CKS1B: variants seen among roughly 807,000 people sequenced by gnomAD.
The protein encoded by CKS1B is CDC28 protein kinase regulatory subunit 1B.
CKS1B carries 5 observed loss-of-function variants against 12.2 expected under a neutral mutation model. That is an observed-to-expected ratio of 0.41 (90% CI 0.21 to 0.86). The LOEUF is 0.86. Ranked by LOEUF, CKS1B falls within the 40% of genes least tolerant of loss-of-function variation. CKS1B has a pLI of 0.32. For synonymous variants in CKS1B, 24 were observed against 34.4 expected, an observed-to-expected ratio of 0.70 and a Z score of 1.06; for missense variants, 53 against 99.9, an observed-to-expected ratio of 0.53 and a Z score of 2.00.
chr1:154,978,092 C>G lies in CKS1B; in HGVS notation c.165C>G (p.Val55=). The change falls in exon 2 of 3, where the codon GTC becomes GTG. Residue 55 remains valine, a synonymous_variant. Transcript: ENST00000308987. ...GCGTTCAGCAGAGTCAGGGATGGGT[C>G]CATTATATGATCCATGAACCAGGTC... ...NLGVQQSQGW[V]HYMIHEPEPH... 1 of 1,614,034 alleles carries G rather than the reference C, an allele frequency of 6.2e-7. No individual in the cohort carries two copies. Among genetic ancestry groups the G allele is most frequent in the Non-Finnish European group, 8.5e-7 (1 of 1,179,998 alleles).
At chr1:154,976,293 G>T (rs1657183791) in intron 1 of CKS1B, among the ~76,000 whole-genome samples, 1 of 152,190 alleles carries the variant, frequency 6.6e-6, no homozygotes. Context: ...AATTTTAAGT[G>T]CATAATCTAG....
chr1:154,976,503 T>TGA (rs1334750598), intron 1 of CKS1B, among the ~76,000 whole-genome samples: 2 of 152,238 alleles, frequency 1.3e-5, no homozygotes, highest in African/African-American at 4.8e-5. Flanking sequence ...CGATGTGCAT[T>TGA]GACAAATACA....
intron 1 of CKS1B, 186 bp downstream of exon 1, chr1:154,974,990 GTGGT>G (rs1365666271): frequency 1.2e-5 from 19 of 1,578,250 alleles, no homozygotes; most frequent in Middle Eastern, 2.1e-4. Flanking sequence ...GTAAAACAAA[GTGGT>G]TGCGAATTTG....
chr1:154,978,145 G>T (rs749611811), intron 2 of CKS1B, 31 bp downstream of exon 2: 1 of 1,608,144 alleles, frequency 6.2e-7, no homozygotes, highest in African/African-American at 1.3e-5. Context: ...CAACCATATA[G>T]AACTGCTACA....
chr1:154,974,694 A>G lies in CKS1B; in HGVS notation c.-52A>G. On this transcript the variant is annotated 5_prime_UTR_variant, in exon 1 of 3. Coordinates refer to ENST00000308987, the MANE Select transcript of CKS1B (RefSeq NM_001826.3). ...GTGGGTGGGAGCGCGTGCTGTTGGG[A>G]GTTGCTTGGAGGTTGGCGGCGCGGG... 1.3e-6 allele frequency: 2 copies of G among 1,553,870 alleles called. No individual in the cohort carries two copies. Among genetic ancestry groups the G allele is most frequent in the East Asian group, 2.4e-5 (1 of 41,378 alleles).
rs747841465 is a variant in CKS1B at position 154,974,712 on chromosome 1, G to T, written c.-34G>T. 3.8e-6 allele frequency: 6 copies of T among 1,563,964 alleles called. No homozygotes were observed. Among genetic ancestry groups the T allele is most frequent in the African/African-American group, 1.4e-5 (1 of 73,644 alleles). On this transcript the variant is annotated 5_prime_UTR_variant, in exon 1 of 3. Transcript: ENST00000308987. ...TGTTGGGAGTTGCTTGGAGGTTGGC[G>T]GCGCGGGGCTGAAGGCTAGCAAACC...
At position 154,978,709 on chromosome 1, in the gene CKS1B, T is replaced by C; in HGVS notation, c.188-16T>C. On this transcript the variant is annotated splice_polypyrimidine_tract_variant and intron_variant, in intron 2 of 2. Transcript: ENST00000308987. Reference sequence around the variant, plus strand: ...ATGGTGTGAGCTTGTCTCTTAGATTTCCCTCACTCTTTCAGAACCTCACAT... The same window carrying C: ...ATGGTGTGAGCTTGTCTCTTAGATTCCCCTCACTCTTTCAGAACCTCACAT... 1.9e-6 allele frequency: 3 copies of C among 1,613,170 alleles called. No homozygotes were observed. Among genetic ancestry groups the C allele is most frequent in the Non-Finnish European group, 2.5e-6 (3 of 1,179,184 alleles).
At chr1:154,978,301 A>T in intron 2 of CKS1B, 187 bp downstream of exon 2, 1 of 620,656 alleles carries the variant, frequency 1.6e-6, no homozygotes. Context: ...GGAAGTTCAG[A>T]GACAACCTGT....
chr1:154,978,123 A>G lies in CKS1B; in HGVS notation c.187+9A>G. On this transcript the variant is annotated intron_variant, in intron 2 of 2. Coordinates refer to ENST00000308987, the MANE Select transcript of CKS1B (RefSeq NM_001826.3). ...TATGATCCATGAACCAGGTCAGTGC[A>G]CTGGCTAAAAACAACCATATAGAAC... The G allele has an allele frequency of 1.2e-6, 2 of 1,613,328 alleles. No individual in the cohort carries two copies. Among genetic ancestry groups the G allele is most frequent in the South Asian group, 1.1e-5 (1 of 90,840 alleles).
At chr1:154,974,964 G>C (rs201547000) in intron 1 of CKS1B, 160 bp downstream of exon 1, 2 of 1,606,036 alleles carry the variant, frequency 1.2e-6, no homozygotes. Flanking sequence ...CGCATGCGCG[G>C]AGGTGGGAGG....
chr1:154,978,620 T>C (rs1657247946), intron 2 of CKS1B, 105 bp from the exon 3 acceptor site: 3 of 917,668 alleles, frequency 3.3e-6, no homozygotes, highest in South Asian at 1.4e-5. Flanking sequence ...TATTTAGTTA[T>C]AAAGATCTGA....
Position 154,978,722 on chromosome 1 carries a change from C to G in CKS1B, c.188-3C>G. ...GTCTCTTAGATTTCCCTCACTCTTT[C>G]AGAACCTCACATCTTGCTGTTCCGG... On this transcript the variant is annotated splice_polypyrimidine_tract_variant and splice_region_variant and intron_variant, in intron 2 of 2. Transcript: ENST00000308987. 6.2e-7 allele frequency: 1 copy of G among 1,613,782 alleles called. No homozygotes were observed. Among genetic ancestry groups the G allele is most frequent in the Non-Finnish European group, 8.5e-7 (1 of 1,179,720 alleles).
At chr1:154,975,668 C>G (rs1013584726) in intron 1 of CKS1B, 1 of 154,832 alleles carries the variant, frequency 6.5e-6, no homozygotes. Context: ...AACTCCAGGA[C>G]GCTCCCCCAT....
intron 1 of CKS1B, chr1:154,975,046 T>G: frequency 9.8e-7 from 1 of 1,022,154 alleles, no homozygotes; most frequent in Non-Finnish European, 1.5e-6. Context: ...TGGGCGTGGT[T>G]AGGGTACTGA....
intron 1 of CKS1B, 48 bp from the exon 2 acceptor site, chr1:154,977,939 T>C: frequency 6.3e-7 from 1 of 1,577,894 alleles, no homozygotes; most frequent in Non-Finnish European, 8.6e-7. Context: ...TCTAAGAGAC[T>C]GTATCTGGTA....
At chr1:154,975,353 T>C (rs1198275341) in intron 1 of CKS1B, among the ~76,000 whole-genome samples, 1 of 152,112 alleles carries the variant, frequency 6.6e-6, no homozygotes, top group Admixed American at 6.6e-5. Context: ...AAATACTTAA[T>C]ATGGGTCTAA....
At chr1:154,977,748 C>T in intron 1 of CKS1B, 1 of 458,636 alleles carries the variant, frequency 2.2e-6, no homozygotes, top group Non-Finnish European at 3.9e-6. Flanking sequence ...AGAAAATGTG[C>T]CTTGAACTTA....
At chr1:154,975,017 A>T (rs1431939406) in intron 1 of CKS1B, 2 of 1,306,804 alleles carry the variant, frequency 1.5e-6, no homozygotes, top group Non-Finnish European at 2.2e-6. Context: ...GTCGCCTCTC[A>T]GTAGAGAGGA....
chr1:154,978,962 C>T lies in CKS1B; in HGVS notation c.*185C>T. 1 of 588,530 alleles carries T rather than the reference C, an allele frequency of 1.7e-6. No individual in the cohort carries two copies. The highest frequency in any genetic ancestry group is 2.9e-5 in the East Asian group (1 of 34,508). 36.5% of individuals were successfully genotyped at this position (588,530 alleles called of 1,614,324 possible). ...GAGTAGAGCCACCACCACCATAGCC[C>T]AGCCAGATGAGTGCTCTGTGGACCC... On this transcript the variant is annotated 3_prime_UTR_variant, in exon 3 of 3. Transcript: ENST00000308987.
Sources: allele counts gnomAD v4.1 joint callset (sites outside exome capture counted in the v4.1 genomes callset), GRCh38; gene constraint gnomAD v4.1.1; transcripts MANE v1.5; gene names NCBI Gene and HGNC (gene_info 2026-07-23, HGNC 2026-07-21).